Variants in PRKN observed in about 807,000 individuals in gnomAD.
PRKN encodes E3 ubiquitin-protein ligase parkin.
Under a neutral mutation model 59.5 loss-of-function variants are expected in PRKN, and 56 were observed. That is an observed-to-expected ratio of 0.94 (90% CI 0.76 to 1.18). The LOEUF (loss-of-function observed/expected upper bound fraction) is 1.18. Ranked by LOEUF, PRKN falls within the 50% of genes most tolerant of loss-of-function variation. The pLI is 0.00. For synonymous variants in PRKN, 250 were observed against 222.1 expected, an observed-to-expected ratio of 1.13 and a Z score of -1.12; for missense variants, 657 against 596.4, an observed-to-expected ratio of 1.10 and a Z score of -1.06.
chr6:161,459,893 G>A lies in PRKN; in HGVS notation c.1084-73016C>T, dbSNP rs747642418. ...CTATTATATTGAAAGTTGGTTTCTT[G>A]GTGCTGCTTACATTATTTTATTTAG... On this transcript the variant is annotated intron_variant, in intron 9 of 11. Transcript: ENST00000366898. This position sits in a 1 kb window ranked among gnomAD's most constrained non-coding sequence, Gnocchi z 4.8. 3.9e-5 allele frequency among the ~76,000 whole-genome samples: 6 copies of A among 151,974 alleles called. No individual in the cohort carries two copies. The highest frequency in any genetic ancestry group is 6.5e-5 in the Admixed American group (1 of 15,272).
intron 6 of PRKN, among the ~76,000 whole-genome samples, chr6:161,793,120 G>A (rs1790704546): frequency 6.6e-6 from 1 of 152,182 alleles, no homozygotes; most frequent in Non-Finnish European, 1.5e-5. Flanking sequence ...TCACTGGAGA[G>A]GAGCCTGCTC....
chr6:161,552,397 T>TA lies in PRKN; in HGVS notation c.934-3395dup, dbSNP rs750883991. 4.5e-5 allele frequency among the ~76,000 whole-genome samples: 2 copies of TA among 44,384 alleles called. 1 individual carries two copies. The highest frequency in any genetic ancestry group is 1.3e-4 in the African/African-American group (2 of 15,218). 29.1% of individuals were successfully genotyped at this position (44,384 alleles called of 152,430 possible). ...TCCCTCAGCTCTGTTCACCTCCACC[T>TA]ATGACTGTGAATGATCTCACGGTGA... On this transcript the variant is annotated intron_variant, in intron 8 of 11. Coordinates refer to ENST00000366898, the MANE Select transcript of PRKN (RefSeq NM_004562.3). This position sits in a 1 kb window ranked among gnomAD's most constrained non-coding sequence, Gnocchi z 4.9.
At chr6:162,052,298 G>A (rs992000568) in intron 5 of PRKN, among the ~76,000 whole-genome samples, 131 of 151,798 alleles carry the variant, frequency 8.6e-4, no homozygotes, top group African/African-American at 3.1e-3. Flanking sequence ...AGAATTTCAG[G>A]TGTGTGTGTG....
chr6:162,674,919 A>G (rs1779477298), intron 1 of PRKN, among the ~76,000 whole-genome samples: 1 of 152,250 alleles, frequency 6.6e-6, no homozygotes, highest in Non-Finnish European at 1.5e-5. Flanking sequence ...AGGAAAGTCA[A>G]AAACGATTTC....
intron 1 of PRKN, among the ~76,000 whole-genome samples, chr6:162,518,470 A>AT (rs1777956494): frequency 6.6e-6 from 1 of 152,096 alleles, no homozygotes; most frequent in South Asian, 2.1e-4. Context: ...GGTTCAAGTG[A>AT]TTCTCGTGCC....
rs534540079 is a variant in PRKN at position 161,401,330 on chromosome 6, G to T, written c.1084-14453C>A. 4.6e-5 allele frequency among the ~76,000 whole-genome samples: 7 copies of T among 152,236 alleles called. No individual in the cohort carries two copies. Among genetic ancestry groups the T allele is most frequent in the African/African-American group, 1.7e-4 (7 of 41,532 alleles). ...GAATTAATTTTAAAAGTTAGAGTTGGCCGGGCATGGTGGCTCACATCTGTA... is the reference window on the plus strand; with the variant it reads ...GAATTAATTTTAAAAGTTAGAGTTGTCCGGGCATGGTGGCTCACATCTGTA... On this transcript the variant is annotated intron_variant, in intron 9 of 11. Transcript: ENST00000366898. The surrounding 1 kb of genome is among the most constrained non-coding windows in gnomAD (Gnocchi z 4.4).
chr6:162,246,934 T>C (rs1034107446), intron 3 of PRKN, among the ~76,000 whole-genome samples: 5 of 152,194 alleles, frequency 3.3e-5, no homozygotes, highest in African/African-American at 1.2e-4. Flanking sequence ...GACAGCTAGG[T>C]AATTTGTATT....
intron 1 of PRKN, among the ~76,000 whole-genome samples, chr6:162,469,508 A>G (rs62430737): frequency 1.3e-4 from 9 of 69,422 alleles, no homozygotes; most frequent in African/African-American, 4.1e-4. Flanking sequence ...GTGTGTGTGT[A>G]TACACACACA....
intron 1 of PRKN, among the ~76,000 whole-genome samples, chr6:162,701,440 T>C (rs1342761029): frequency 6.6e-6 from 1 of 152,036 alleles, no homozygotes; most frequent in Non-Finnish European, 1.5e-5. Flanking sequence ...GTTTCAATAG[T>C]TAAAAAGTAG....
chr6:161,977,227 C>T (rs1781065684), intron 5 of PRKN, among the ~76,000 whole-genome samples: 1 of 152,182 alleles, frequency 6.6e-6, no homozygotes, highest in South Asian at 2.1e-4. Context: ...CAAGAGACTC[C>T]TGGATCAGAG....
rs929787630 is a variant in PRKN at position 161,456,320 on chromosome 6, A to G, written c.1084-69443T>C. Among the ~76,000 whole-genome samples the G allele has an allele frequency of 1.3e-5, 2 of 152,166 alleles. No individual in the cohort carries two copies. The highest frequency in any genetic ancestry group is 4.8e-5 in the African/African-American group (2 of 41,432). On this transcript the variant is annotated intron_variant, in intron 9 of 11. Transcript: ENST00000366898. The surrounding 1 kb of genome is among the most constrained non-coding windows in gnomAD (Gnocchi z 4.8). ...CTTCCGGCTTTCAAATTTCTCTCGCATTGAAAGCTTCCTGCCCTGGAACAT... is the reference window on the plus strand; with the variant it reads ...CTTCCGGCTTTCAAATTTCTCTCGCGTTGAAAGCTTCCTGCCCTGGAACAT...
At chr6:161,795,295 C>T (rs1790799254) in intron 6 of PRKN, among the ~76,000 whole-genome samples, 1 of 149,364 alleles carries the variant, frequency 6.7e-6, no homozygotes, top group African/African-American at 2.5e-5. Context: ...TGCAGTGGCG[C>T]AATCTCGGCT....
intron 7 of PRKN, among the ~76,000 whole-genome samples, chr6:161,643,467 A>T (rs1460082948): frequency 6.6e-6 from 1 of 152,248 alleles, no homozygotes; most frequent in East Asian, 1.9e-4. Context: ...CTAAATTTAG[A>T]TAACTCAAAT....
At chr6:162,389,020 A>AC (rs1039786720) in intron 2 of PRKN, among the ~76,000 whole-genome samples, 8 of 151,554 alleles carry the variant, frequency 5.3e-5, no homozygotes, top group Non-Finnish European at 1.0e-4. Context: ...AAAAAAAAAA[A>AC]AAAACAAAAA....
chr6:162,440,257 G>GA (rs1789989991), intron 2 of PRKN, among the ~76,000 whole-genome samples: 1 of 152,140 alleles, frequency 6.6e-6, no homozygotes, highest in Non-Finnish European at 1.5e-5. Context: ...TCCCAGAACT[G>GA]AAAATTCTAT....
rs73600962 is a variant in PRKN at position 161,378,417 on chromosome 6, C to T, written c.1167+8377G>A. 6.0e-3 allele frequency among the ~76,000 whole-genome samples: 917 copies of T among 152,326 alleles called. 13 individuals are homozygous for T. Among genetic ancestry groups the T allele is most frequent in the African/African-American group, 0.02 (844 of 41,566 alleles). ...AACCTGCCGGCAACAAAGAGCGGCA[C>T]GGAGTCCTGTGTGTCCTCCACTCCT... On this transcript the variant is annotated intron_variant, in intron 10 of 11. Coordinates refer to ENST00000366898, the MANE Select transcript of PRKN (RefSeq NM_004562.3). The surrounding 1 kb of genome is among the most constrained non-coding windows in gnomAD (Gnocchi z 7.3).
chr6:161,827,022 G>C (rs1320088880), intron 6 of PRKN, among the ~76,000 whole-genome samples: 3 of 152,196 alleles, frequency 2.0e-5, no homozygotes, highest in South Asian at 2.1e-4. Context: ...CTTAATTGTA[G>C]GTAGGGAATG....
intron 7 of PRKN, among the ~76,000 whole-genome samples, chr6:161,781,011 T>TGG (rs1459363254): frequency 6.6e-6 from 1 of 152,210 alleles, no homozygotes; most frequent in Non-Finnish European, 1.5e-5. Flanking sequence ...AGTGAGTACT[T>TGG]ACGGAGATAC....
intron 1 of PRKN, among the ~76,000 whole-genome samples, chr6:162,583,939 C>T (rs945385650): frequency 5.3e-5 from 8 of 152,148 alleles, no homozygotes; most frequent in Admixed American, 1.3e-4. Flanking sequence ...AATAGCTGGG[C>T]GCGGTGGCTC....
Sources: gnomAD v4.1 joint callset for allele counts (sites outside exome capture counted in the v4.1 genomes callset) on GRCh38, gnomAD v4.1.1 for gene constraint, Gnocchi (gnomAD v3.1) non-coding constraint, MANE v1.5 for transcripts, NCBI Gene and HGNC (gene_info 2026-07-23, HGNC 2026-07-21) for gene names.